NACC1: variants seen among roughly 807,000 people sequenced by gnomAD.
NACC1 encodes the protein nucleus accumbens-associated protein 1.
NACC1 carries 6 observed loss-of-function variants against 41.7 expected under a neutral mutation model. The observed-to-expected ratio is 0.14, with a 90% CI of 0.08 to 0.28. The LOEUF is 0.28. NACC1 is among the 10% of genes least tolerant of loss of function. NACC1 has a pLI of 1.00. For synonymous variants in NACC1, 338 were observed against 330.6 expected (o/e 1.02, Z -0.24); for missense variants, 434 against 763.7 (o/e 0.57, Z 5.09).
At chr19:13,127,693 GAA>G (rs71168659) in intron 1 of NACC1, among the ~76,000 whole-genome samples, 8 of 146,702 alleles carry the variant, frequency 5.5e-5, no homozygotes, top group Non-Finnish European at 1.2e-4. Flanking sequence ...AAAAAAAAAA[GAA>G]AAAAAAAAAT....
At chr19:13,123,994 CCAGT>C (rs2019531057) in intron 1 of NACC1, among the ~76,000 whole-genome samples, 1 of 152,130 alleles carries the variant, frequency 6.6e-6, no homozygotes, top group Non-Finnish European at 1.5e-5. Flanking sequence ...AGGTATGGGC[CCAGT>C]CAGTGAGGCT....
At chr19:13,125,521 A>G (rs1226815524) in intron 1 of NACC1, among the ~76,000 whole-genome samples, 1 of 150,684 alleles carries the variant, frequency 6.6e-6, no homozygotes, top group Non-Finnish European at 1.5e-5. Context: ...CCCAGGTTCA[A>G]GCGATTCTCC....
At position 13,135,733 on chromosome 19, in the gene NACC1, G is replaced by A. The variant is rs867964867; in HGVS notation, c.526G>A (p.Val176Met). Residue 176 changes from valine (V) to methionine (M), a missense_variant, in exon 2 of 6, where the codon GTG becomes ATG. Val to Met is a conservative substitution (Grantham distance 21, BLOSUM62 1). This residue lies in a region of NACC1 where 234 missense variants were observed against 308.3 expected (regional missense o/e 0.76). Coordinates refer to ENST00000292431, the MANE Select transcript of NACC1 (RefSeq NM_052876.4). ...VKTEQQESDS[V>M]QCMPVAKRLW... is the part of the protein sequence containing the mutation. ...GACGGAGCAGCAGGAGTCGGACTCC[G>A]TGCAGTGCATGCCCGTGGCCAAGCG... The A allele has an allele frequency of 3.2e-6, 5 of 1,558,144 alleles. No individual in the cohort carries two copies. The highest frequency in any genetic ancestry group is 2.3e-5 in the East Asian group (1 of 42,656).
Position 13,138,637 on chromosome 19 carries a change from G to A in NACC1, c.*231G>A, listed in dbSNP as rs148676358. 16 of 600,106 alleles carry A rather than the reference G, an allele frequency of 2.7e-5. No homozygotes were observed. The highest frequency in any genetic ancestry group is 2.0e-4 in the African/African-American group (11 of 53,720). 37.2% of individuals were successfully genotyped at this position (600,106 alleles called of 1,614,324 possible). A position where few individuals can be genotyped will look rare whatever the true frequency, so the allele number is the denominator to read the frequency against. ...GTGTTGCCTTCTTTAACACACACTC[G>A]TGCAGTGGGGGAGTTCTGGCTCCCC... On this transcript the variant is annotated 3_prime_UTR_variant, in exon 6 of 6. Transcript: ENST00000292431. The surrounding 1 kb of genome is among the most constrained non-coding windows in gnomAD (Gnocchi z 5.7).
intron 1 of NACC1, among the ~76,000 whole-genome samples, chr19:13,126,048 CTTT>C (rs79360796): frequency 7.1e-6 from 1 of 141,024 alleles, no homozygotes; most frequent in Admixed American, 7.1e-5. Flanking sequence ...AAAGGCCTAA[CTTT>C]TTTTTTTTTT....
chr19:13,138,521 T>A lies in NACC1; in HGVS notation c.*115T>A. The A allele has an allele frequency of 1.4e-6, 2 of 1,432,146 alleles. No homozygotes were observed. The highest frequency in any genetic ancestry group is 4.1e-5 in the Admixed American group (2 of 48,988). The allele number at this position is 1,432,146 out of a possible 1,614,324, so 88.7% of individuals were successfully genotyped here. A position where few individuals can be genotyped will look rare whatever the true frequency, so the allele number is the denominator to read the frequency against. On this transcript the variant is annotated 3_prime_UTR_variant, in exon 6 of 6. Coordinates refer to ENST00000292431, the MANE Select transcript of NACC1 (RefSeq NM_052876.4). This position sits in a 1 kb window ranked among gnomAD's most constrained non-coding sequence, Gnocchi z 5.7. Reference sequence around the variant, plus strand: ...CCCAGGACCCGCGGTGGGTGCTGCATGTTCCCGGCCCTCTGCCCCTCCTGT... The same window carrying A: ...CCCAGGACCCGCGGTGGGTGCTGCAAGTTCCCGGCCCTCTGCCCCTCCTGT...
rs908465647 is a variant in NACC1 at position 13,118,341 on chromosome 19, C to CGCGGAG, written c.-113_-108dup. On this transcript the variant is annotated 5_prime_UTR_variant, in exon 1 of 6. Coordinates refer to ENST00000292431, the MANE Select transcript of NACC1 (RefSeq NM_052876.4). ...CTGCTGAGGCGGAGGCCGCGGAGGCCGCGGAGGCGGAGGCCGAGGCCCCGG... is the reference window on the plus strand; with the variant it reads ...CTGCTGAGGCGGAGGCCGCGGAGGCCGCGGAGGCGGAGGCGGAGGCCGAGGCCCCGG... The CGCGGAG allele has an allele frequency of 1.4e-5, 2 of 146,644 alleles. No homozygotes were observed. The highest frequency in any genetic ancestry group is 4.9e-5 in the African/African-American group (2 of 40,878). The allele number at this position is 146,644 out of a possible 1,614,324, so 9.1% of individuals were successfully genotyped here.
rs201155268 is a variant in NACC1 at position 13,136,086 on chromosome 19, G to A, written c.879G>A (p.Met293Ile). ...AGGAGGATGGTGGCGAGGAGGGCAT[G>A]GATGAGCAGTACCGGCAGATCTGCA... ...DEEEDGGEEG[M>I]DEQYRQICNM... The change falls in exon 2 of 6, where the codon ATG (methionine) becomes ATA (isoleucine). Residue 293 changes from methionine to isoleucine, a missense_variant. Physicochemically the swap from Met to Ile is conservative, Grantham distance 10 (BLOSUM62 1). Around this residue, in one of 4 missense-constraint regions of NACC1, gnomAD observed 234 missense variants for 308.3 expected, o/e 0.76. Coordinates refer to ENST00000292431, the MANE Select transcript of NACC1 (RefSeq NM_052876.4). This position sits in a 1 kb window ranked among gnomAD's most constrained non-coding sequence, Gnocchi z 5.5. 2.5e-6 allele frequency: 4 copies of A among 1,614,116 alleles called. No individual in the cohort carries two copies. The highest frequency in any genetic ancestry group is 3.4e-6 in the Non-Finnish European group (4 of 1,180,040).
intron 1 of NACC1, among the ~76,000 whole-genome samples, chr19:13,130,552 T>A (rs904115911): frequency 3.3e-5 from 5 of 150,010 alleles, no homozygotes; most frequent in African/African-American, 1.2e-4. Context: ...TTTTTTTTTT[T>A]TGAGATGGAG....
rs8105087 is a variant in NACC1, at chr19:13,139,526, T to A, written c.*1120T>A. Reference sequence around the variant, plus strand: ...TGTGGGTGTGTATGTGTGGAGTGTGTGTGTGTGTTTCCATGGTAGGACTCC... The same window carrying A: ...TGTGGGTGTGTATGTGTGGAGTGTGAGTGTGTGTTTCCATGGTAGGACTCC... On this transcript the variant is annotated 3_prime_UTR_variant, in exon 6 of 6. Coordinates refer to ENST00000292431, the MANE Select transcript of NACC1 (RefSeq NM_052876.4). 104,627 of 152,188 alleles carry A rather than the reference T, an allele frequency of 0.69. 36,724 individuals carry two copies. The highest frequency in any genetic ancestry group is 0.84 in the East Asian group (4,318 of 5,132). The allele number at this position is 152,188 out of a possible 1,614,324, so 9.4% of individuals were successfully genotyped here. A position where few individuals can be genotyped will look rare whatever the true frequency, so the allele number is the denominator to read the frequency against.
At chr19:13,127,153 C>T (rs894920917) in intron 1 of NACC1, among the ~76,000 whole-genome samples, 19 of 150,970 alleles carry the variant, frequency 1.3e-4, no homozygotes, top group Non-Finnish European at 2.1e-4. Flanking sequence ...TAGGAACTCC[C>T]AAGAAGGATA....
At position 13,137,760 on chromosome 19, in the gene NACC1, G is replaced by A. The variant is rs1758911036; in HGVS notation, c.1324+185G>A. Among the ~76,000 whole-genome samples the A allele has an allele frequency of 6.6e-6, 1 of 152,212 alleles. No homozygotes were observed. Among genetic ancestry groups the A allele is most frequent in the Non-Finnish European group, 1.5e-5 (1 of 68,038 alleles). On this transcript the variant is annotated intron_variant, in intron 5 of 5. Transcript: ENST00000292431. This position sits in a 1 kb window ranked among gnomAD's most constrained non-coding sequence, Gnocchi z 6.1. ...TTCTTCGTGTTTGGGGGATGCACGTGCCGAAGGGAAGCCAGGGAGCCTGTG... is the reference window on the plus strand; with the variant it reads ...TTCTTCGTGTTTGGGGGATGCACGTACCGAAGGGAAGCCAGGGAGCCTGTG...
chr19:13,128,912 C>A (rs73509404), intron 1 of NACC1, among the ~76,000 whole-genome samples: 1 of 152,222 alleles, frequency 6.6e-6, no homozygotes, highest in African/African-American at 2.4e-5. Flanking sequence ...CCCAGCTGCC[C>A]TGTGGCCTCC....
chr19:13,134,685 G>A (rs776326274), intron 1 of NACC1, among the ~76,000 whole-genome samples: 1 of 152,204 alleles, frequency 6.6e-6, no homozygotes, highest in African/African-American at 2.4e-5. Context: ...AATTTCTTGA[G>A]TGGTCATTTA....
chr19:13,127,614 G>A (rs1482379223), intron 1 of NACC1, among the ~76,000 whole-genome samples: 1 of 150,108 alleles, frequency 6.7e-6, no homozygotes, highest in Non-Finnish European at 1.5e-5. Context: ...TCGCTTGAAC[G>A]ATTCTTGCAG....
chr19:13,119,579 G>A (rs896463040), intron 1 of NACC1, among the ~76,000 whole-genome samples: 3 of 152,118 alleles, frequency 2.0e-5, no homozygotes, highest in African/African-American at 4.8e-5. Context: ...AGCAACCATC[G>A]TATATATTAG....
chr19:13,119,155 C>T (rs2019455596), intron 1 of NACC1, among the ~76,000 whole-genome samples: 2 of 146,294 alleles, frequency 1.4e-5, no homozygotes. Context: ...AGAGCAGAGC[C>T]TTTTGGGCTA....
upstream of NACC1, chr19:13,117,964 A>C (rs1302151188): frequency 8.5e-5 from 13 of 152,248 alleles, no homozygotes; most frequent in Non-Finnish European, 2.9e-5. Context: ...GCCACAATAA[A>C]CAGCAGTCAT....
Position 13,135,561 on chromosome 19 carries a change from G to A in NACC1, c.354G>A (p.Glu118=), listed in dbSNP as rs2019691040. 14 of 1,609,252 alleles carry A rather than the reference G, an allele frequency of 8.7e-6. No individual in the cohort carries two copies. The highest frequency in any genetic ancestry group is 1.2e-5 in the Non-Finnish European group (14 of 1,178,400). ...QIQEIMEKGT[E]FFLKVSSPSC... ...AGGAGATCATGGAGAAGGGCACCGA[G>A]TTCTTCCTCAAGGTGAGCTCCCCGA... Residue 118 remains glutamate, a synonymous_variant, in exon 2 of 6, where the codon GAG becomes GAA. Coordinates refer to ENST00000292431, the MANE Select transcript of NACC1 (RefSeq NM_052876.4).
Sources: gnomAD v4.1 joint callset for allele counts (sites outside exome capture counted in the v4.1 genomes callset) on GRCh38, gnomAD v4.1.1 for gene constraint, gnomAD v4.1.1 regional missense constraint, Gnocchi (gnomAD v3.1) non-coding constraint, MANE v1.5 for transcripts, NCBI Gene and HGNC (gene_info 2026-07-23, HGNC 2026-07-21) for gene names.